The following ILRUN variants were observed in gnomAD, a reference collection of about 807,000 sequenced individuals.
ILRUN encodes inflammation and lipid regulator with UBA-like and NBR1-like domains.
Under a neutral mutation model 33.8 loss-of-function variants are expected in ILRUN, and 3 were observed. That is an observed-to-expected ratio of 0.09 (90% CI 0.04 to 0.23). The LOEUF is 0.23. Ranked by LOEUF, ILRUN falls within the 10% of genes least tolerant of loss-of-function variation. The pLI is 1.00. For missense variants in ILRUN, 210 were observed against 375.1 expected, an observed-to-expected ratio of 0.56 and a Z score of 3.64; for synonymous variants, 124 against 138.9, an observed-to-expected ratio of 0.89 and a Z score of 0.75.
intron 3 of ILRUN, among the ~76,000 whole-genome samples, chr6:34,640,121 G>A (rs1762439966): frequency 6.6e-6 from 1 of 152,084 alleles, no homozygotes; most frequent in South Asian, 2.1e-4. Flanking sequence ...TATTAGTCTT[G>A]GACCAAGTGA....
chr6:34,695,496 ACGT>A (rs1397384673), intron 1 of ILRUN, among the ~76,000 whole-genome samples: 2 of 152,234 alleles, frequency 1.3e-5, no homozygotes, highest in African/African-American at 2.4e-5. Flanking sequence ...ACACTCCTTT[ACGT>A]CGGGTAGTCT....
intron 1 of ILRUN, among the ~76,000 whole-genome samples, chr6:34,661,810 G>C (rs1032380375): frequency 3.3e-5 from 5 of 152,038 alleles, no homozygotes; most frequent in African/African-American, 1.2e-4. Flanking sequence ...GAGTTTGAAT[G>C]GAAGGTACAA....
intron 1 of ILRUN, among the ~76,000 whole-genome samples, chr6:34,687,716 T>C (rs2127389308): frequency 2.8e-5 from 4 of 142,608 alleles, no homozygotes; most frequent in African/African-American, 8.0e-5. Context: ...AAAATATATA[T>C]ATATATATAT....
chr6:34,680,353 A>G (rs927430501), intron 1 of ILRUN, among the ~76,000 whole-genome samples: 1 of 152,250 alleles, frequency 6.6e-6, no homozygotes, highest in African/African-American at 2.4e-5. Context: ...TATACATATA[A>G]CAAAAGGTTA....
At chr6:34,668,123 A>G (rs1268478693) in intron 1 of ILRUN, among the ~76,000 whole-genome samples, 2 of 152,080 alleles carry the variant, frequency 1.3e-5, no homozygotes, top group Non-Finnish European at 2.9e-5. Flanking sequence ...TGGTTCAGGA[A>G]AAAAAAAGTA....
chr6:34,604,862 C>T (rs1161688483), intron 4 of ILRUN, among the ~76,000 whole-genome samples: 1 of 152,190 alleles, frequency 6.6e-6, no homozygotes, highest in Non-Finnish European at 1.5e-5. Flanking sequence ...GCTATTACTA[C>T]TGAAGTCTTT....
At chr6:34,622,480 G>A (rs190562622) in intron 3 of ILRUN, among the ~76,000 whole-genome samples, 67 of 151,960 alleles carry the variant, frequency 4.4e-4, no homozygotes, top group Middle Eastern at 3.4e-3. Flanking sequence ...ACTAATCACC[G>A]GGGAAATGCA....
At chr6:34,637,864 C>CTGCCGCTGTTGTTGTTGT (rs749114775) in intron 3 of ILRUN, among the ~76,000 whole-genome samples, 1 of 141,930 alleles carries the variant, frequency 7.0e-6, no homozygotes, top group Non-Finnish European at 1.5e-5. Flanking sequence ...GCTGCTGCTG[C>CTGCCGCTGTTGTTGTTGT]TGTTGTTGTT....
intron 1 of ILRUN, among the ~76,000 whole-genome samples, chr6:34,665,079 T>C (rs542508825): frequency 5.3e-5 from 8 of 151,758 alleles, no homozygotes; most frequent in African/African-American, 1.9e-4. Flanking sequence ...CAGGCAATCG[T>C]CCTGCCTCAA....
chr6:34,687,464 A>C (rs1187305620), intron 1 of ILRUN, among the ~76,000 whole-genome samples: 1 of 151,760 alleles, frequency 6.6e-6, no homozygotes, highest in Non-Finnish European at 1.5e-5. Context: ...GGGAGGCCAA[A>C]GCAGGCAGGT....
chr6:34,617,926 T>C (rs1038570483), intron 3 of ILRUN, among the ~76,000 whole-genome samples: 4 of 152,298 alleles, frequency 2.6e-5, no homozygotes, highest in South Asian at 4.1e-4. Flanking sequence ...AAGGCACTGA[T>C]AGGAGAACTG....
intron 1 of ILRUN, among the ~76,000 whole-genome samples, chr6:34,692,834 C>T (rs186082765): frequency 3.9e-5 from 6 of 152,136 alleles, no homozygotes; most frequent in East Asian, 3.9e-4. Context: ...ATGTATGAGA[C>T]GTGCCAACCT....
intron 1 of ILRUN, among the ~76,000 whole-genome samples, chr6:34,680,664 G>A (rs1174953108): frequency 6.6e-6 from 1 of 152,112 alleles, no homozygotes; most frequent in African/African-American, 2.4e-5. Context: ...CGTTGGCCAG[G>A]CTGGTCTCGA....
intron 3 of ILRUN, among the ~76,000 whole-genome samples, chr6:34,631,854 C>T (rs1156432032): frequency 2.6e-5 from 4 of 151,938 alleles, no homozygotes; most frequent in African/African-American, 9.7e-5. Flanking sequence ...TTACTAAGTA[C>T]ACTAAACTGC....
At chr6:34,663,487 A>G (rs1762932774) in intron 1 of ILRUN, among the ~76,000 whole-genome samples, 1 of 152,114 alleles carries the variant, frequency 6.6e-6, no homozygotes, top group Non-Finnish European at 1.5e-5. Context: ...GGTTTCTAAA[A>G]TTTTTGTCTT....
chr6:34,642,328 T>C (rs1762489534), intron 3 of ILRUN, among the ~76,000 whole-genome samples: 1 of 152,128 alleles, frequency 6.6e-6, no homozygotes, highest in African/African-American at 2.4e-5. Flanking sequence ...CAGCTGAATC[T>C]CAACCGATTC....
chr6:34,666,724 G>A (rs995545341), intron 1 of ILRUN, among the ~76,000 whole-genome samples: 1 of 152,182 alleles, frequency 6.6e-6, no homozygotes, highest in South Asian at 2.1e-4. Flanking sequence ...TGACATGTGA[G>A]AGAATGCTAT....
chr6:34,632,681 A>C (rs1762272322), intron 3 of ILRUN, among the ~76,000 whole-genome samples: 1 of 113,776 alleles, frequency 8.8e-6, no homozygotes, highest in Non-Finnish European at 1.7e-5. Flanking sequence ...ACACCCGGCT[A>C]ATTTTTTTTT....
chr6:34,616,203 T>C (rs1466912923), intron 3 of ILRUN, among the ~76,000 whole-genome samples: 3 of 152,198 alleles, frequency 2.0e-5, no homozygotes, highest in Non-Finnish European at 4.4e-5. Context: ...ATGAATGCCC[T>C]GGCATCAGGA....
Sources: allele counts gnomAD v4.1 joint callset (sites outside exome capture counted in the v4.1 genomes callset), GRCh38; gene constraint gnomAD v4.1.1; transcripts MANE v1.5; gene names NCBI Gene and HGNC (gene_info 2026-07-23, HGNC 2026-07-21).